The following ZFHX4 variants were observed in gnomAD, a reference collection of about 807,000 sequenced individuals.
ZFHX4 encodes the protein zinc finger homeobox 4, also known as zinc finger homeobox protein 4.
ZFHX4 carries 56 observed loss-of-function variants against 267.6 expected under a neutral mutation model. The observed-to-expected ratio is 0.21, with a 90% CI of 0.17 to 0.26. The LOEUF is 0.26. Ranked by LOEUF, ZFHX4 falls within the 10% of genes least tolerant of loss-of-function variation. The pLI is 1.00. For synonymous variants in ZFHX4, 1,778 were observed against 1,665.6 expected, an observed-to-expected ratio of 1.07 and a Z score of -1.64; for missense variants, 4,332 against 4,420.0, an observed-to-expected ratio of 0.98 and a Z score of 0.56.
chr8:76,814,715 G>A (rs1308774430), intron 4 of ZFHX4, among the ~76,000 whole-genome samples: 1 of 152,150 alleles, frequency 6.6e-6, no homozygotes, highest in East Asian at 1.9e-4. Flanking sequence ...GTATTCAGGT[G>A]AGGGACTGGT....
chr8:76,830,850 A>T (rs1289008800), intron 4 of ZFHX4, among the ~76,000 whole-genome samples: 1 of 152,148 alleles, frequency 6.6e-6, no homozygotes, highest in Non-Finnish European at 1.5e-5. Flanking sequence ...AAACAGCAGG[A>T]TTTTCACAGG....
chr8:76,709,756 T>G (rs1808373204), intron 3 of ZFHX4, among the ~76,000 whole-genome samples: 1 of 151,876 alleles, frequency 6.6e-6, no homozygotes, highest in Non-Finnish European at 1.5e-5. Flanking sequence ...ATCTAACTGC[T>G]TGATGATTAT....
intron 5 of ZFHX4, among the ~76,000 whole-genome samples, chr8:76,838,747 T>C (rs899264545): frequency 3.9e-5 from 6 of 152,082 alleles, no homozygotes; most frequent in Non-Finnish European, 8.8e-5. Flanking sequence ...CCAAACCCAA[T>C]TGTATGTTAA....
intron 3 of ZFHX4, among the ~76,000 whole-genome samples, chr8:76,773,120 ATTGT>A (rs1203489731): frequency 1.3e-5 from 2 of 152,154 alleles, no homozygotes; most frequent in African/African-American, 2.4e-5. Flanking sequence ...GTGCACACTA[ATTGT>A]TTGTGAAATC....
intron 3 of ZFHX4, among the ~76,000 whole-genome samples, chr8:76,734,261 GC>G (rs1478121227): frequency 6.6e-6 from 1 of 152,174 alleles, no homozygotes; most frequent in Non-Finnish European, 1.5e-5. Flanking sequence ...GAGGCAGTCT[GC>G]CATTTTGAAT....
At chr8:76,757,563 G>A (rs564888181) in intron 3 of ZFHX4, among the ~76,000 whole-genome samples, 2 of 152,168 alleles carry the variant, frequency 1.3e-5, no homozygotes, top group Admixed American at 6.5e-5. Flanking sequence ...GGCATGGAAG[G>A]TTTATGCCCA....
intron 3 of ZFHX4, among the ~76,000 whole-genome samples, chr8:76,777,037 A>G (rs1810416913): frequency 6.6e-6 from 1 of 151,878 alleles, no homozygotes; most frequent in Non-Finnish European, 1.5e-5. Flanking sequence ...TCTAAGAACA[A>G]ATAAATACCA....
intron 4 of ZFHX4, among the ~76,000 whole-genome samples, chr8:76,789,851 A>G (rs1234373970): frequency 6.6e-6 from 1 of 152,128 alleles, no homozygotes; most frequent in Non-Finnish European, 1.5e-5. Context: ...ATTTAGAAAA[A>G]CAATTTTTCA....
intron 4 of ZFHX4, among the ~76,000 whole-genome samples, chr8:76,821,323 C>T (rs1811642595): frequency 6.6e-6 from 1 of 152,156 alleles, no homozygotes; most frequent in African/African-American, 2.4e-5. Flanking sequence ...GAATTTTCCA[C>T]ACTTGACATC....
At chr8:76,761,595 G>A (rs965179706) in intron 3 of ZFHX4, among the ~76,000 whole-genome samples, 12 of 152,082 alleles carry the variant, frequency 7.9e-5, no homozygotes, top group Admixed American at 2.0e-4. Context: ...CTTCAGTATA[G>A]TAAGGGAGGA....
At chr8:76,722,157 G>A (rs1042129905) in intron 3 of ZFHX4, among the ~76,000 whole-genome samples, 2 of 151,958 alleles carry the variant, frequency 1.3e-5, no homozygotes, top group Non-Finnish European at 2.9e-5. Flanking sequence ...TCAATCAAGG[G>A]CTACCAATGT....
rs919696141 is a variant in ZFHX4 at position 76,858,923 on chromosome 8, G to A, written c.9379+2623G>A. Among the ~76,000 whole-genome samples the A allele has an allele frequency of 2.6e-5, 4 of 152,062 alleles. No homozygotes were observed. The East Asian group carries it at 7.7e-4, about 29-fold the overall frequency. On this transcript the variant is annotated intron_variant, in intron 10 of 10. Transcript: ENST00000651372. Reference sequence around the variant, plus strand: ...AGTTATGGAAAAGCCTTCATTTTAAGGATGTCCCATCCCTTTGAAAGTAGG... The same window carrying A: ...AGTTATGGAAAAGCCTTCATTTTAAAGATGTCCCATCCCTTTGAAAGTAGG...
intron 3 of ZFHX4, among the ~76,000 whole-genome samples, chr8:76,742,267 T>C (rs1809337812): frequency 6.6e-6 from 1 of 152,200 alleles, no homozygotes; most frequent in Non-Finnish European, 1.5e-5. Flanking sequence ...CCTTCTCTGG[T>C]TGGACCAAAT....
Position 76,856,151 on chromosome 8 carries a change from C to G in ZFHX4, c.9230C>G (p.Thr3077Arg). 6.2e-7 allele frequency: 1 copy of G among 1,613,964 alleles called. No homozygotes were observed. The highest frequency in any genetic ancestry group is 8.5e-7 in the Non-Finnish European group (1 of 1,179,858). The change falls in exon 10 of 11, where the codon ACG (threonine) becomes AGG (arginine). Residue 3077 changes from threonine (T) to arginine (R), a missense_variant. Thr to Arg is a moderately conservative substitution (Grantham distance 71). This residue lies in a region of ZFHX4 where 1,648 missense variants were observed against 1,625.0 expected (regional missense o/e 1.01). Coordinates refer to ENST00000651372, the MANE Select transcript of ZFHX4 (RefSeq NM_024721.5). ...IKKASDVLGL[T>R]VQQPGMMDSS... ...AAAGCTTCAGACGTGCTGGGCTTGACGGTACAGCAGCCAGGCATGATGGAC... is the reference window on the plus strand; with the variant it reads ...AAAGCTTCAGACGTGCTGGGCTTGAGGGTACAGCAGCCAGGCATGATGGAC...
intron 3 of ZFHX4, among the ~76,000 whole-genome samples, chr8:76,709,109 T>C (rs1808355725): frequency 6.6e-6 from 1 of 152,314 alleles, no homozygotes; most frequent in East Asian, 1.9e-4. Flanking sequence ...TTTAAAATTA[T>C]AACCACACAT....
chr8:76,719,405 G>T (rs1162168567), intron 3 of ZFHX4, among the ~76,000 whole-genome samples: 1 of 151,956 alleles, frequency 6.6e-6, no homozygotes, highest in Non-Finnish European at 1.5e-5. Flanking sequence ...AATCAGTTCT[G>T]TATGTACACA....
At chr8:76,784,449 T>G (rs2713257) in intron 4 of ZFHX4, among the ~76,000 whole-genome samples, 19 of 152,058 alleles carry the variant, frequency 1.2e-4, no homozygotes, top group Admixed American at 3.3e-4. Context: ...AGAAAGGCAG[T>G]CATGTGTGAG....
chr8:76,781,459 C>T (rs1421526829), intron 4 of ZFHX4, among the ~76,000 whole-genome samples: 1 of 151,916 alleles, frequency 6.6e-6, no homozygotes, highest in Non-Finnish European at 1.5e-5. Flanking sequence ...GACAAAACAA[C>T]CAATCATCAA....
rs1247902087 is a variant in ZFHX4, at chr8:76,852,353, A to G, written c.5432A>G (p.Gln1811Arg). Residue 1811 changes from glutamine to arginine, a missense_variant, in exon 10 of 11, where the codon CAG (glutamine) becomes CGG (arginine). This residue lies in a region of ZFHX4 where 1,371 missense variants were observed against 1,423.1 expected (regional missense o/e 0.96). Coordinates refer to ENST00000651372, the MANE Select transcript of ZFHX4 (RefSeq NM_024721.5). The part of the protein sequence containing the change: ...QQYQATQPQL[Q>R]PQKQQQQPPP... Reference sequence around the variant, plus strand: ...TACCAAGCCACACAGCCCCAGCTGCAGCCTCAAAAACAACAGCAGCAGCCA... The same window carrying G: ...TACCAAGCCACACAGCCCCAGCTGCGGCCTCAAAAACAACAGCAGCAGCCA... The G allele has an allele frequency of 6.4e-7, 1 of 1,553,336 alleles. No individual in the cohort carries two copies.
Sources: allele counts gnomAD v4.1 joint callset (sites outside exome capture counted in the v4.1 genomes callset), GRCh38; gene constraint gnomAD v4.1.1; regional missense constraint gnomAD v4.1.1; transcripts MANE v1.5; gene names NCBI Gene and HGNC (gene_info 2026-07-23, HGNC 2026-07-21).